The following FAT3 variants were observed in gnomAD, a reference collection of about 807,000 sequenced individuals.
FAT3 encodes the protein protocadherin Fat 3.
FAT3 carries 95 observed loss-of-function variants against 310.2 expected under a neutral mutation model. That is an observed-to-expected ratio of 0.31 (90% CI 0.26 to 0.36). The LOEUF (loss-of-function observed/expected upper bound fraction) is 0.36, where lower values mean the gene tolerates loss of function less well. FAT3 is among the 10% of genes least tolerant of loss of function. The pLI, the probability that FAT3 is intolerant of heterozygous loss-of-function variation, is 1.00. For missense variants in FAT3, 5,408 were observed against 5,715.6 expected, an observed-to-expected ratio of 0.95 and a Z score of 1.74; for synonymous variants, 2,314 against 2,192.9, an observed-to-expected ratio of 1.06 and a Z score of -1.54.
chr11:92,451,527 G>A (rs1361794551), intron 2 of FAT3, among the ~76,000 whole-genome samples: 1 of 152,158 alleles, frequency 6.6e-6, no homozygotes, highest in Non-Finnish European at 1.5e-5. Flanking sequence ...ATCACATTTT[G>A]TAAAACATTA....
intron 2 of FAT3, among the ~76,000 whole-genome samples, chr11:92,391,035 C>T (rs1949735924): frequency 6.6e-6 from 1 of 152,174 alleles, no homozygotes; most frequent in Non-Finnish European, 1.5e-5. Flanking sequence ...AAATTCTCTA[C>T]TGAGCATTTC....
At chr11:92,469,380 C>A (rs535226514) in intron 2 of FAT3, among the ~76,000 whole-genome samples, 2 of 152,020 alleles carry the variant, frequency 1.3e-5, no homozygotes, top group Non-Finnish European at 2.9e-5. Context: ...CTCTTCTTGG[C>A]AAAACAAAGG....
rs1951941280 is a variant in FAT3, at chr11:92,472,772, C to T, written c.3293-51862C>T. On this transcript the variant is annotated intron_variant, in intron 2 of 27. Transcript: ENST00000525166. The stretch of plus-strand genomic sequence containing the variant: ...GTGCCCACCACCCTGCTTTGCTTCC[C>T]CTTTATCCAGCTTATTAGTATCCTG... 2.0e-5 allele frequency among the ~76,000 whole-genome samples: 3 copies of T among 152,188 alleles called. No homozygotes were observed. In the South Asian group the frequency reaches 6.2e-4, roughly 31 times the overall value.
chr11:92,292,486 C>A (rs1239580091), intron 1 of FAT3, among the ~76,000 whole-genome samples: 1 of 152,038 alleles, frequency 6.6e-6, no homozygotes, highest in Non-Finnish European at 1.5e-5. Context: ...GTGACACTTG[C>A]CTTCTGTCTT....
chr11:92,704,763 C>G (rs1433140105), intron 4 of FAT3, among the ~76,000 whole-genome samples: 1 of 152,164 alleles, frequency 6.6e-6, no homozygotes, highest in Non-Finnish European at 1.5e-5. Context: ...ATTTCAGGCA[C>G]TTTAGTCTAT....
At chr11:92,652,755 TA>T (rs1435347267) in intron 3 of FAT3, among the ~76,000 whole-genome samples, 6 of 152,218 alleles carry the variant, frequency 3.9e-5, no homozygotes, top group Non-Finnish European at 8.8e-5. Context: ...ATTTCCCCTT[TA>T]AATATAGAAG....
At chr11:92,569,475 A>G (rs1955595302) in intron 3 of FAT3, among the ~76,000 whole-genome samples, 2 of 152,174 alleles carry the variant, frequency 1.3e-5, no homozygotes, top group South Asian at 4.1e-4. Flanking sequence ...GACAGAGGGA[A>G]GGAATGTTAA....
rs1366362454 is a variant in FAT3 at position 92,891,290 on chromosome 11, G to A, written c.*177G>A. The A allele has an allele frequency of 4.6e-6, 4 of 867,448 alleles. No individual in the cohort carries two copies. In the East Asian group the frequency reaches 8.1e-5, roughly 18 times the overall value. The allele number at this position is 867,448 out of a possible 1,614,324, so 53.7% of individuals were successfully genotyped here. ...CAAGCAAGCTTGATTCCAGTTGGGTGAAAATGAAAGGCTCAGAAATTGTTT... is the reference window on the plus strand; with the variant it reads ...CAAGCAAGCTTGATTCCAGTTGGGTAAAAATGAAAGGCTCAGAAATTGTTT... On this transcript the variant is annotated 3_prime_UTR_variant, in exon 28 of 28. Coordinates refer to ENST00000525166, the MANE Select transcript of FAT3 (RefSeq NM_001367949.2).
chr11:92,404,948 C>T (rs75472235), intron 2 of FAT3, among the ~76,000 whole-genome samples: 3,894 of 152,092 alleles, frequency 0.026, 182 homozygotes, highest in African/African-American at 0.089. Flanking sequence ...TGGCTTCCCT[C>T]GTTTGCAGAC....
At chr11:92,614,814 A>G (rs1376023618) in intron 3 of FAT3, among the ~76,000 whole-genome samples, 1 of 152,200 alleles carries the variant, frequency 6.6e-6, no homozygotes, top group Non-Finnish European at 1.5e-5. Flanking sequence ...ATTTAATCTT[A>G]TATTTTCTTC....
intron 3 of FAT3, among the ~76,000 whole-genome samples, chr11:92,622,023 G>C (rs1941112058): frequency 6.6e-6 from 1 of 152,128 alleles, no homozygotes; most frequent in Non-Finnish European, 1.5e-5. Flanking sequence ...GTCCATTGTA[G>C]ATGCAAATTC....
intron 3 of FAT3, among the ~76,000 whole-genome samples, chr11:92,581,824 G>T (rs538384280): frequency 6.6e-6 from 1 of 152,008 alleles, no homozygotes; most frequent in Non-Finnish European, 1.5e-5. Context: ...AACTAGTGTT[G>T]CTGTTACAGG....
Position 92,805,421 on chromosome 11 carries a change from C to T in FAT3, c.9093+72C>T. The T allele has an allele frequency of 2.0e-6, 3 of 1,474,386 alleles. No homozygotes were observed. In the South Asian group the frequency reaches 4.1e-5, roughly 20 times the overall value. The allele number at this position is 1,474,386 out of a possible 1,614,324, so 91.3% of individuals were successfully genotyped here. On this transcript the variant is annotated intron_variant, in intron 11 of 27. Transcript: ENST00000525166. Reference sequence around the variant, plus strand: ...TAAAATAAAAACCCATTTCACTTTTCTTCTTAAGGCCAGGCAAACTTCTGC... The same window carrying T: ...TAAAATAAAAACCCATTTCACTTTTTTTCTTAAGGCCAGGCAAACTTCTGC...
intron 18 of FAT3, 88 bp from the exon 19 acceptor site, chr11:92,843,846 T>TACAG (rs1565642984): frequency 4.9e-6 from 6 of 1,233,982 alleles, no homozygotes; most frequent in Non-Finnish European, 5.7e-6. Context: ...AACGTAAAGG[T>TACAG]ACAGACGTCT....
chr11:92,339,888 C>T (rs929712350), intron 1 of FAT3, among the ~76,000 whole-genome samples: 4 of 151,884 alleles, frequency 2.6e-5, no homozygotes, highest in South Asian at 2.1e-4. Flanking sequence ...CCAAGATGGG[C>T]GATCACGAGG....
intron 3 of FAT3, among the ~76,000 whole-genome samples, chr11:92,660,586 G>T (rs770735851): frequency 1.3e-5 from 2 of 152,314 alleles, no homozygotes; most frequent in South Asian, 4.2e-4. Flanking sequence ...AAGCATGATG[G>T]AGTGGTGTTC....
At chr11:92,434,095 G>A (rs1011842217) in intron 2 of FAT3, among the ~76,000 whole-genome samples, 1 of 151,882 alleles carries the variant, frequency 6.6e-6, no homozygotes, top group African/African-American at 2.4e-5. Context: ...GGAGAAGAGT[G>A]TCTCATCTCA....
intron 3 of FAT3, among the ~76,000 whole-genome samples, chr11:92,648,018 G>C (rs560532122): frequency 6.6e-6 from 1 of 152,246 alleles, no homozygotes; most frequent in East Asian, 1.9e-4. Context: ...AGAAGAGCCG[G>C]AAAGAGGATT....
chr11:92,810,256 G>T (rs932490466), intron 13 of FAT3, among the ~76,000 whole-genome samples, 180 bp downstream of exon 13: 2 of 152,188 alleles, frequency 1.3e-5, no homozygotes, highest in African/African-American at 4.8e-5. Context: ...AGAAAAGTCT[G>T]CAAGTTGGCC....
Sources: gnomAD v4.1 joint callset for allele counts (sites outside exome capture counted in the v4.1 genomes callset) on GRCh38, gnomAD v4.1.1 for gene constraint, MANE v1.5 for transcripts, NCBI Gene and HGNC (gene_info 2026-07-23, HGNC 2026-07-21) for gene names.